The following ACER1 variants were observed in gnomAD, a reference collection of about 807,000 sequenced individuals.
ACER1 encodes the protein CTB-180A7.3.
Under a neutral mutation model 24.9 loss-of-function variants are expected in ACER1, and 28 were observed. The observed-to-expected ratio is 1.13, with a 90% CI of 0.83 to 1.54. ACER1 has a LOEUF of 1.54. Among genes scored for constraint, ACER1 ranks in the 40% most tolerant of loss-of-function variants. The probability of loss-of-function intolerance (pLI) is 0.00; values close to 1 mark genes in which losing one functional copy is unlikely to be tolerated. For missense variants in ACER1, 352 were observed against 349.3 expected, an observed-to-expected ratio of 1.01 and a Z score of -0.06; for synonymous variants, 132 against 131.4, an observed-to-expected ratio of 1.00 and a Z score of -0.03.
chr19:6,312,200 T>C lies in ACER1; in HGVS notation c.299A>G (p.Tyr100Cys), dbSNP rs776478039. The change falls in exon 3 of 6, where the codon TAT becomes TGT. Residue 100 changes from tyrosine (Y) to cysteine (C), a missense_variant. By Grantham distance (194) the Tyr-to-Cys change is radical (BLOSUM62 -2). Transcript: ENST00000301452. ...ATAGCAGCGGGGCATCCATATGCTATAGCCACTGCCCAGGAGCCACAGGAT... is the reference window on the plus strand; with the variant it reads ...ATAGCAGCGGGGCATCCATATGCTACAGCCACTGCCCAGGAGCCACAGGAT... ...IAILWLLGSG[Y>C]SIWMPRCYFP... The C allele has an allele frequency of 2.4e-5, 39 of 1,613,866 alleles. No individual in the cohort carries two copies. Among genetic ancestry groups the C allele is most frequent in the Non-Finnish European group, 3.2e-5 (38 of 1,179,912 alleles).
chr19:6,352,037 C>T, the ACER1 span, among the ~76,000 whole-genome samples: 1 of 141,166 alleles, frequency 7.1e-6, no homozygotes, highest in African/African-American at 2.7e-5. Flanking sequence ...GCCTGGGCGA[C>T]AGGGCAAGAC....
rs889021517 is a variant in ACER1, at chr19:6,318,236, G to A, written c.94-5737C>T. 1.7e-3 allele frequency among the ~76,000 whole-genome samples: 254 copies of A among 149,580 alleles called. 1 individual carries two copies. Among genetic ancestry groups the A allele is most frequent in the African/African-American group, 6.0e-3 (248 of 41,304 alleles). On this transcript the variant is annotated intron_variant, in intron 1 of 5. Coordinates refer to ENST00000301452, the MANE Select transcript of ACER1 (RefSeq NM_133492.3). The stretch of plus-strand genomic sequence containing the variant: ...TGTAATCCCAGCACTTTGGGAGGCC[G>A]AGGTGGGCCGATCACCTGAAGTCGG...
rs1410302412 is a variant in ACER1, at chr19:6,307,255, A to G, written c.524T>C (p.Val175Ala). Reference protein sequence around the residue: ...SNKELRHLIEVSVVLWAVALT... With the variant: ...SNKELRHLIEASVVLWAVALT... Reference sequence around the variant, plus strand: ...AGCAACAGCCCATAAAACCACGGAGACCTCAATCAGGTGCCGAAGCTCCTT... The same window carrying G: ...AGCAACAGCCCATAAAACCACGGAGGCCTCAATCAGGTGCCGAAGCTCCTT... The change falls in exon 5 of 6, where the codon GTC (valine) becomes GCC (alanine). Residue 175 changes from valine (V) to alanine (A), a missense_variant. Coordinates refer to ENST00000301452, the MANE Select transcript of ACER1 (RefSeq NM_133492.3). The G allele has an allele frequency of 1.9e-6, 3 of 1,614,048 alleles. No homozygotes were observed. In the South Asian group the frequency reaches 3.3e-5, roughly 18 times the overall value.
chr19:6,314,403 G>A lies in ACER1; in HGVS notation c.94-1904C>T, dbSNP rs187466049. ...GAGAATTGCTTAAACTCAGGAGGCAGAGGTGGTAGTGAGCCGAGATCACGC... is the reference window on the plus strand; with the variant it reads ...GAGAATTGCTTAAACTCAGGAGGCAAAGGTGGTAGTGAGCCGAGATCACGC... On this transcript the variant is annotated intron_variant, in intron 1 of 5. Transcript: ENST00000301452. Among the ~76,000 whole-genome samples, 1,386 of 150,986 alleles carry A rather than the reference G, an allele frequency of 9.2e-3. 19 individuals are homozygous for A. The highest frequency in any genetic ancestry group is 0.033 in the African/African-American group (1,341 of 40,980).
At chr19:6,315,466 G>A (rs941085989) in intron 1 of ACER1, among the ~76,000 whole-genome samples, 18 of 151,908 alleles carry the variant, frequency 1.2e-4, no homozygotes, top group African/African-American at 2.7e-4. Context: ...TGCAAGCTCC[G>A]CCTCCCGGGT....
At chr19:6,308,556 TG>T in intron 4 of ACER1, among the ~76,000 whole-genome samples, 1 of 152,102 alleles carries the variant, frequency 6.6e-6, no homozygotes, top group Middle Eastern at 3.4e-3. Context: ...AGCTGGTAAG[TG>T]GCAGAGCTGG....
Position 6,312,230 on chromosome 19 carries a change from A to G in ACER1, c.269T>C (p.Ile90Thr). ...LSFLGQLLDE[I>T]AILWLLGSGY... ...ACTGCCCAGGAGCCACAGGATGGCGATCTCGTCCAGCAGCTGGCCCAGGAA... is the reference window on the plus strand; with the variant it reads ...ACTGCCCAGGAGCCACAGGATGGCGGTCTCGTCCAGCAGCTGGCCCAGGAA... The change falls in exon 3 of 6, where the codon ATC becomes ACC. Residue 90 changes from isoleucine (I) to threonine (T), a missense_variant. Ile to Thr is a moderately conservative substitution (Grantham distance 89). Transcript: ENST00000301452. 1 of 1,614,028 alleles carries G rather than the reference A, an allele frequency of 6.2e-7. No individual in the cohort carries two copies. The highest frequency in any genetic ancestry group is 8.5e-7 in the Non-Finnish European group (1 of 1,179,940).
At chr19:6,339,907 C>T in the ACER1 span, among the ~76,000 whole-genome samples, 5 of 151,702 alleles carry the variant, frequency 3.3e-5, no homozygotes, top group Non-Finnish European at 5.9e-5. Flanking sequence ...CCTCATGATC[C>T]GCCCGCCTCA....
chr19:6,328,612 A>G (rs1232873497), intron 1 of ACER1, among the ~76,000 whole-genome samples: 1 of 151,846 alleles, frequency 6.6e-6, no homozygotes, highest in Non-Finnish European at 1.5e-5. Context: ...TTGGGAAGTG[A>G]AGGCACAAGG....
chr19:6,316,476 A>G (rs1377574778), intron 1 of ACER1, among the ~76,000 whole-genome samples: 2 of 152,112 alleles, frequency 1.3e-5, no homozygotes, highest in Non-Finnish European at 2.9e-5. Flanking sequence ...TTGCGGCAAC[A>G]TGGATGGAAC....
At chr19:6,340,347 GGAAGGAAGGAAGGAAGGAAGGAA>G in the ACER1 span, among the ~76,000 whole-genome samples, 42 of 138,432 alleles carry the variant, frequency 3.0e-4, 1 homozygote, top group African/African-American at 1.2e-3. Context: ...AAGGAAGGAA[GGAAGGAAGGAAGGAAGGAAGGAA>G]GGAAGAAAAA....
At chr19:6,333,649 T>G (rs975689735), upstream of ACER1, 5 of 1,029,758 alleles carry the variant, frequency 4.9e-6, no homozygotes, top group South Asian at 7.8e-5. Context: ...GACAGCCCGG[T>G]GCCCCGCGGC....
At chr19:6,342,149 A>T in the ACER1 span, among the ~76,000 whole-genome samples, 1 of 152,172 alleles carries the variant, frequency 6.6e-6, no homozygotes, top group African/African-American at 2.4e-5. Context: ...ATTATTGGGT[A>T]ATTGGTGAAA....
In ACER1 at chr19:6,333,545, T is replaced by C. The variant is rs1422422224; in HGVS notation, c.7A>G (p.Ser3Gly). Residue 3 changes from serine to glycine, a missense_variant, in exon 1 of 6, where the codon AGC becomes GGC. Physicochemically the swap from Ser to Gly is moderately conservative, Grantham distance 56. Transcript: ENST00000301452. ...TCGGAGCTCTGATAGGCGAAGATGC[T>C]AGGCATCTTGTCTCAGTGGCCACCA... is the stretch of plus-strand genomic sequence containing the variant. MP[S>G]IFAYQSSEVD... 2.5e-6 allele frequency: 4 copies of C among 1,581,228 alleles called. No individual in the cohort carries two copies. Among genetic ancestry groups the C allele is most frequent in the Non-Finnish European group, 3.4e-6 (4 of 1,162,558 alleles).
chr19:6,313,482 C>A (rs895361429), intron 1 of ACER1, among the ~76,000 whole-genome samples: 1 of 152,214 alleles, frequency 6.6e-6, no homozygotes, highest in Non-Finnish European at 1.5e-5. Flanking sequence ...CAGTGAAAGA[C>A]TACATTTCCC....
chr19:6,307,905 G>T (rs920407750), intron 4 of ACER1, among the ~76,000 whole-genome samples: 1 of 151,756 alleles, frequency 6.6e-6, no homozygotes, highest in Non-Finnish European at 1.5e-5. Flanking sequence ...TGGCCAACAT[G>T]GTGAAACTCT....
At chr19:6,348,011 A>G in the ACER1 span, among the ~76,000 whole-genome samples, 4 of 131,368 alleles carry the variant, frequency 3.0e-5, no homozygotes, top group African/African-American at 8.9e-5. Flanking sequence ...TGGCCTCCCA[A>G]CGTGCTGGGA....
At chr19:6,323,510 T>A (rs540702535) in intron 1 of ACER1, among the ~76,000 whole-genome samples, 7 of 152,184 alleles carry the variant, frequency 4.6e-5, no homozygotes, top group Non-Finnish European at 1.0e-4. Context: ...AGATGTGACT[T>A]GCTCCTCCTT....
At chr19:6,347,610 T>C in the ACER1 span, among the ~76,000 whole-genome samples, 1 of 148,574 alleles carries the variant, frequency 6.7e-6, no homozygotes, top group East Asian at 2.0e-4. Context: ...CCGAAGTGGG[T>C]GGATTACCTG....
Sources: allele counts gnomAD v4.1 joint callset (sites outside exome capture counted in the v4.1 genomes callset), GRCh38; gene constraint gnomAD v4.1.1; transcripts MANE v1.5; gene names NCBI Gene and HGNC (gene_info 2026-07-23, HGNC 2026-07-21).